Variants in DPP10 observed in about 807,000 individuals in gnomAD.
DPP10 encodes the protein inactive dipeptidyl peptidase 10.
A neutral mutation model predicts 120.9 loss-of-function variants in DPP10; 33 were observed. That is an observed-to-expected ratio of 0.27 (90% CI 0.21 to 0.37). The LOEUF is 0.37. DPP10 is among the 10% of genes least tolerant of loss of function. DPP10 has a pLI of 1.00. For synonymous variants in DPP10, 337 were observed against 326.1 expected (o/e 1.03, Z -0.36); for missense variants, 816 against 942.8 (o/e 0.87, Z 1.76).
chr2:115,017,062 TG>T (rs1255683076), intron 1 of DPP10, among the ~76,000 whole-genome samples: 1 of 40,840 alleles, frequency 2.4e-5, no homozygotes, highest in East Asian at 8.3e-4. Context: ...TGTTGTGGAG[TG>T]GGGGGAGGGG....
chr2:114,619,691 C>A (rs967488459), intron 1 of DPP10, among the ~76,000 whole-genome samples: 1 of 151,948 alleles, frequency 6.6e-6, no homozygotes, highest in Admixed American at 6.6e-5. Flanking sequence ...GGTCTATGAT[C>A]GCCAGGTAGG....
At chr2:114,812,003 C>G (rs1685217299) in intron 1 of DPP10, among the ~76,000 whole-genome samples, 1 of 152,064 alleles carries the variant, frequency 6.6e-6, no homozygotes, top group Admixed American at 6.5e-5. Context: ...TTGGCTTTGC[C>G]CTGGGTTACA....
intron 1 of DPP10, among the ~76,000 whole-genome samples, chr2:114,898,681 C>A (rs1205096780): frequency 6.6e-6 from 1 of 152,038 alleles, no homozygotes; most frequent in African/African-American, 2.4e-5. Flanking sequence ...CATATTTTAA[C>A]AATAATAACA....
intron 1 of DPP10, among the ~76,000 whole-genome samples, chr2:114,473,559 G>A (rs1573430275): frequency 6.6e-6 from 1 of 152,306 alleles, no homozygotes; most frequent in South Asian, 2.1e-4. Context: ...AGATGTAGAT[G>A]TAGGTTAAAG....
intron 1 of DPP10, among the ~76,000 whole-genome samples, chr2:114,859,765 C>T (rs1359649677): frequency 6.6e-6 from 1 of 152,216 alleles, no homozygotes; most frequent in Non-Finnish European, 1.5e-5. Flanking sequence ...GCATTATTCT[C>T]TTCTCAGCCA....
At chr2:114,730,829 A>G (rs1038374130) in intron 1 of DPP10, among the ~76,000 whole-genome samples, 6 of 151,668 alleles carry the variant, frequency 4.0e-5, no homozygotes, top group South Asian at 2.1e-4. Flanking sequence ...ATCTCAGGCA[A>G]TCCAACTGCC....
rs149493776 is a variant in DPP10, at chr2:115,454,735, G to A, written c.272-44775G>A. Among the ~76,000 whole-genome samples, 1,119 of 150,976 alleles carry A rather than the reference G, an allele frequency of 7.4e-3. 6 individuals carry two copies. Among genetic ancestry groups the A allele is most frequent in the African/African-American group, 0.025 (1,023 of 41,270 alleles). ...AAAGATCTAGCCAGTGCATTAAAAA[G>A]GAAAAAAAAGCAATTAACAGCACTC... On this transcript the variant is annotated intron_variant, in intron 3 of 25. Transcript: ENST00000410059.
intron 5 of DPP10, among the ~76,000 whole-genome samples, chr2:115,566,331 A>G (rs2081007642): frequency 6.6e-6 from 1 of 152,060 alleles, no homozygotes; most frequent in African/African-American, 2.4e-5. Context: ...GAAAAAATTT[A>G]TGATTTTTTT....
rs61579596 is a variant in DPP10 at position 114,942,402 on chromosome 2, C to CATATATATATAT, written c.61-366828_61-366817dup. Reference sequence around the variant, plus strand: ...ACATATATATATATACACACACACACATATATATATATATATATATGATAT... The same window carrying CATATATATATAT: ...ACATATATATATATACACACACACACATATATATATATATATATATATATATATATATGATAT... On this transcript the variant is annotated intron_variant, in intron 1 of 25. Transcript: ENST00000410059. Among the ~76,000 whole-genome samples, 388 of 127,776 alleles carry CATATATATATAT rather than the reference C, an allele frequency of 3.0e-3. 5 individuals carry two copies. The highest frequency in any genetic ancestry group is 4.7e-3 in the South Asian group (20 of 4,214). 83.8% of individuals were successfully genotyped at this position (127,776 alleles called of 152,430 possible).
At chr2:115,618,479 T>C (rs548565363) in intron 5 of DPP10, among the ~76,000 whole-genome samples, 68 of 152,260 alleles carry the variant, frequency 4.5e-4, no homozygotes, top group African/African-American at 1.5e-3. Flanking sequence ...TTAAAGGTTC[T>C]GAGGAGTGAA....
chr2:115,313,005 C>T (rs1309073852), intron 2 of DPP10, among the ~76,000 whole-genome samples: 4 of 152,024 alleles, frequency 2.6e-5, no homozygotes, highest in Non-Finnish European at 4.4e-5. Flanking sequence ...GGGAGGATCA[C>T]GAGGTCTGGA....
At chr2:114,559,891 C>CAAAAA (rs60833358) in intron 1 of DPP10, among the ~76,000 whole-genome samples, 16 of 65,938 alleles carry the variant, frequency 2.4e-4, no homozygotes, top group Admixed American at 5.9e-4. Flanking sequence ...AGAAAAAAAG[C>CAAAAA]AAAAAAAAAA....
chr2:115,158,993 T>A (rs560999497), intron 1 of DPP10, among the ~76,000 whole-genome samples: 14 of 151,924 alleles, frequency 9.2e-5, no homozygotes, highest in South Asian at 6.2e-4. Context: ...TTTTTTTTTT[T>A]AATTTCTAAG....
chr2:114,783,513 G>A (rs950493054), intron 1 of DPP10, among the ~76,000 whole-genome samples: 2 of 152,020 alleles, frequency 1.3e-5, no homozygotes. Context: ...TAAAATATTT[G>A]CATTTTATAC....
chr2:115,544,401 A>G (rs1337247497), intron 5 of DPP10, among the ~76,000 whole-genome samples: 2 of 152,056 alleles, frequency 1.3e-5, no homozygotes, highest in African/African-American at 2.4e-5. Flanking sequence ...CAATTTTCCC[A>G]TTTAGTCCAT....
intron 5 of DPP10, among the ~76,000 whole-genome samples, chr2:115,622,044 A>T (rs72947954): frequency 2.6e-5 from 4 of 151,990 alleles, no homozygotes; most frequent in African/African-American, 7.3e-5. Context: ...ACTCATTTGA[A>T]GTATAAAATT....
intron 1 of DPP10, among the ~76,000 whole-genome samples, chr2:114,641,635 T>G (rs1470339715): frequency 6.6e-6 from 1 of 151,978 alleles, no homozygotes; most frequent in African/African-American, 2.4e-5. Flanking sequence ...AAAGTATATT[T>G]TAAACTTATA....
intron 8 of DPP10, among the ~76,000 whole-genome samples, chr2:115,735,451 A>G (rs2149673458): frequency 6.6e-6 from 1 of 152,120 alleles, no homozygotes; most frequent in East Asian, 1.9e-4. Flanking sequence ...TCAGGATGCT[A>G]CAGAGGTTAT....
intron 3 of DPP10, among the ~76,000 whole-genome samples, chr2:115,422,073 G>A (rs2070024316): frequency 6.6e-6 from 1 of 151,900 alleles, no homozygotes; most frequent in South Asian, 2.1e-4. Flanking sequence ...ACTGCTCCAC[G>A]GCAAGCCACT....
Sources: gnomAD v4.1 joint callset for allele counts (sites outside exome capture counted in the v4.1 genomes callset) on GRCh38, gnomAD v4.1.1 for gene constraint, MANE v1.5 for transcripts, NCBI Gene and HGNC (gene_info 2026-07-23, HGNC 2026-07-21) for gene names.